The following CHODL variants were observed in gnomAD, a reference collection of about 807,000 sequenced individuals.
CHODL encodes chondrolectin.
In CHODL, 29 loss-of-function variants were observed where a neutral mutation model predicts 34.5. That is an observed-to-expected ratio of 0.84 (90% CI 0.63 to 1.15). The LOEUF is 1.15. CHODL is among the 50% of genes most tolerant of loss of function. The probability of loss-of-function intolerance (pLI) is 0.00; values close to 1 mark genes in which losing one functional copy is unlikely to be tolerated. For synonymous variants in CHODL, 125 were observed against 116.1 expected (o/e 1.08, Z -0.49); for missense variants, 332 against 332.5 (o/e 1.00, Z 0.01).
intron 1 of CHODL, among the ~76,000 whole-genome samples, chr21:17,963,385 A>G (rs1173183456): frequency 6.6e-6 from 1 of 152,236 alleles, no homozygotes; most frequent in Non-Finnish European, 1.5e-5. Context: ...GAGACTAGGT[A>G]ATTTATAAAG....
chr21:18,135,094 A>G (rs2072704416), intron 2 of CHODL, among the ~76,000 whole-genome samples: 1 of 152,226 alleles, frequency 6.6e-6, no homozygotes, highest in East Asian at 1.9e-4. Context: ...AACTACACTT[A>G]CCGTAAGTAA....
chr21:17,994,273 TG>T (rs1568835090), intron 1 of CHODL, among the ~76,000 whole-genome samples: 2 of 152,178 alleles, frequency 1.3e-5, no homozygotes, highest in Non-Finnish European at 2.9e-5. Context: ...GCAGCATGCT[TG>T]GGTACAGGTG....
intron 2 of CHODL, among the ~76,000 whole-genome samples, chr21:18,062,796 T>A (rs1027302980): frequency 4.0e-5 from 6 of 151,876 alleles, no homozygotes; most frequent in Non-Finnish European, 8.8e-5. Flanking sequence ...ATTACAGACA[T>A]GAGCCACCAC....
chr21:17,982,326 C>T (rs2063720224), intron 1 of CHODL, among the ~76,000 whole-genome samples: 1 of 152,098 alleles, frequency 6.6e-6, no homozygotes, highest in African/African-American at 2.4e-5. Context: ...TTGGGTCCTG[C>T]AGGTGTTTAC....
At chr21:18,243,715 TA>T (rs2074103716), upstream of CHODL, among the ~76,000 whole-genome samples, 1 of 152,164 alleles carries the variant, frequency 6.6e-6, no homozygotes, top group Non-Finnish European at 1.5e-5. Context: ...TAATAATCTT[TA>T]AGGTCTTTCC....
intron 2 of CHODL, among the ~76,000 whole-genome samples, chr21:18,236,777 CTTATAT>C (rs1481570478): frequency 5.3e-5 from 8 of 152,034 alleles, no homozygotes; most frequent in East Asian, 1.9e-4. Flanking sequence ...AAGTTTTCTA[CTTATAT>C]TTATAAGATA....
chr21:18,065,489 T>C (rs1291634565), intron 2 of CHODL, among the ~76,000 whole-genome samples: 2 of 152,160 alleles, frequency 1.3e-5, no homozygotes, highest in East Asian at 3.9e-4. Flanking sequence ...TTTGAATACT[T>C]GAAACTTGTG....
At chr21:17,978,421 CAAA>C (rs914459888) in intron 1 of CHODL, among the ~76,000 whole-genome samples, 9 of 73,200 alleles carry the variant, frequency 1.2e-4, no homozygotes, top group Admixed American at 1.6e-4. Flanking sequence ...GACTCCGTAT[CAAA>C]AAAAAAAAAA....
intron 1 of CHODL, among the ~76,000 whole-genome samples, chr21:18,253,502 G>A (rs576685107): frequency 6.6e-6 from 1 of 152,180 alleles, no homozygotes; most frequent in African/African-American, 2.4e-5. Flanking sequence ...AAAGGATGTA[G>A]TAGATGAAAA....
chr21:18,036,374 A>G (rs2064310821), intron 2 of CHODL, among the ~76,000 whole-genome samples: 1 of 151,998 alleles, frequency 6.6e-6, no homozygotes, highest in Non-Finnish European at 1.5e-5. Context: ...TGAAGGCTCA[A>G]GAGGTATCCT....
chr21:18,109,366 T>C (rs1263326926), intron 2 of CHODL, among the ~76,000 whole-genome samples: 1 of 152,030 alleles, frequency 6.6e-6, no homozygotes, highest in East Asian at 1.9e-4. Flanking sequence ...CTATGGGATC[T>C]AATCACCATG....
At chr21:17,941,060 G>A (rs1185958804) in intron 1 of CHODL, among the ~76,000 whole-genome samples, 3 of 152,186 alleles carry the variant, frequency 2.0e-5, no homozygotes, top group Non-Finnish European at 4.4e-5. Context: ...TAAAGAAACA[G>A]AAAGCCAACA....
rs917347133 is a variant in CHODL at position 18,260,423 on chromosome 21, G to A, written c.634+137G>A. On this transcript the variant is annotated intron_variant, in intron 4 of 5. Coordinates refer to ENST00000299295, the MANE Select transcript of CHODL (RefSeq NM_024944.3). ...TATGGTCCTATGGACATTTACTTTTGAACTAGGTTAGAAAAAATTATGCTA... is the reference window on the plus strand; with the variant it reads ...TATGGTCCTATGGACATTTACTTTTAAACTAGGTTAGAAAAAATTATGCTA... 5 of 537,444 alleles carry A rather than the reference G, an allele frequency of 9.3e-6. No homozygotes were observed. The East Asian group carries it at 1.5e-4, about 16-fold the overall frequency. 33.3% of individuals were successfully genotyped at this position (537,444 alleles called of 1,614,324 possible).
intron 2 of CHODL, among the ~76,000 whole-genome samples, chr21:18,234,807 G>A (rs967279942): frequency 1.3e-5 from 2 of 152,160 alleles, no homozygotes; most frequent in East Asian, 3.9e-4. Context: ...TACCAGACAT[G>A]GTTCTGGTTC....
At chr21:18,070,024 C>CT (rs764793221) in intron 2 of CHODL, among the ~76,000 whole-genome samples, 8,823 of 69,050 alleles carry the variant, frequency 0.13, 874 homozygotes, top group Non-Finnish European at 0.19. Flanking sequence ...CTTCCCTTCC[C>CT]TCCCCCCCCC....
Position 18,245,210 on chromosome 21 carries a change from G to A in CHODL, c.-14G>A, listed in dbSNP as rs1179651893. On this transcript the variant is annotated 5_prime_UTR_variant, in exon 1 of 6. Coordinates refer to ENST00000299295, the MANE Select transcript of CHODL (RefSeq NM_024944.3). ...CTCGCTCCACGCAACACCTGCTGCTGCCACCGCGCCGCGATGAGCCGCGTG... is the reference window on the plus strand; with the variant it reads ...CTCGCTCCACGCAACACCTGCTGCTACCACCGCGCCGCGATGAGCCGCGTG... 2 of 1,518,742 alleles carry A rather than the reference G, an allele frequency of 1.3e-6. No homozygotes were observed. The highest frequency in any genetic ancestry group is 1.8e-6 in the Non-Finnish European group (2 of 1,140,522). 94.1% of individuals were successfully genotyped at this position (1,518,742 alleles called of 1,614,324 possible).
chr21:18,206,391 C>T (rs1474069146), intron 2 of CHODL, among the ~76,000 whole-genome samples: 1 of 152,050 alleles, frequency 6.6e-6, no homozygotes. Flanking sequence ...TTATAGTAAC[C>T]TTTCTTGTCT....
intron 2 of CHODL, among the ~76,000 whole-genome samples, chr21:18,032,377 G>C (rs1055469492): frequency 2.0e-5 from 3 of 151,944 alleles, no homozygotes; most frequent in Non-Finnish European, 4.4e-5. Flanking sequence ...ACATTAAGAA[G>C]TTAGGAAAAT....
chr21:18,009,668 C>G (rs2063993312), intron 1 of CHODL, among the ~76,000 whole-genome samples: 1 of 151,998 alleles, frequency 6.6e-6, no homozygotes, highest in Non-Finnish European at 1.5e-5. Flanking sequence ...GCGGGAGGAT[C>G]ACAAGGTCAG....
Sources: allele counts gnomAD v4.1 joint callset (sites outside exome capture counted in the v4.1 genomes callset), GRCh38; gene constraint gnomAD v4.1.1; transcripts MANE v1.5; gene names NCBI Gene and HGNC (gene_info 2026-07-23, HGNC 2026-07-21).